The following GALNTL6 variants were observed in gnomAD, a reference collection of about 807,000 sequenced individuals.
The protein encoded by GALNTL6 is polypeptide N-acetylgalactosaminyltransferase-like 6.
A neutral mutation model predicts 73.7 loss-of-function variants in GALNTL6; 46 were observed. That is an observed-to-expected ratio of 0.62 (90% CI 0.49 to 0.80). The LOEUF (loss-of-function observed/expected upper bound fraction) is 0.80, where lower values mean the gene tolerates loss of function less well. GALNTL6 is among the 30% of genes least tolerant of loss of function. The pLI, the probability that GALNTL6 is intolerant of heterozygous loss-of-function variation, is 0.00. For synonymous variants in GALNTL6, 259 were observed against 263.7 expected (o/e 0.98, Z 0.17); for missense variants, 604 against 755.0 (o/e 0.80, Z 2.34).
chr4:171,828,877 C>T (rs556536552), intron 2 of GALNTL6, among the ~76,000 whole-genome samples: 7 of 152,242 alleles, frequency 4.6e-5, no homozygotes, highest in South Asian at 2.1e-4. Context: ...ACAAGTGATC[C>T]TTCTGCCTGG....
chr4:172,196,625 C>T (rs115256166), intron 2 of GALNTL6, among the ~76,000 whole-genome samples: 6,393 of 152,230 alleles, frequency 0.042, 424 homozygotes, highest in African/African-American at 0.14. Context: ...ATCCTCAATG[C>T]AAGGCTGGTT....
intron 4 of GALNTL6, among the ~76,000 whole-genome samples, chr4:172,319,271 A>G (rs1393818994): frequency 6.6e-6 from 1 of 152,218 alleles, no homozygotes; most frequent in Admixed American, 6.5e-5. Context: ...GCATTAATAA[A>G]TGTGATTGCG....
chr4:172,472,226 G>A (rs1050308549), intron 5 of GALNTL6, among the ~76,000 whole-genome samples: 2 of 152,166 alleles, frequency 1.3e-5, no homozygotes, highest in African/African-American at 2.4e-5. Context: ...ATATTTTCTA[G>A]TTTGATTCTC....
intron 2 of GALNTL6, among the ~76,000 whole-genome samples, chr4:172,079,109 C>G (rs1731798841): frequency 6.6e-6 from 1 of 152,066 alleles, no homozygotes; most frequent in African/African-American, 2.4e-5. Context: ...AAGTCCATAT[C>G]TATATCACTA....
At chr4:171,832,510 G>A (rs549433087) in intron 2 of GALNTL6, among the ~76,000 whole-genome samples, 18 of 151,348 alleles carry the variant, frequency 1.2e-4, no homozygotes, top group African/African-American at 4.3e-4. Flanking sequence ...TAGATAGATA[G>A]ATAATATTTC....
At chr4:172,053,486 G>T (rs1170664089) in intron 2 of GALNTL6, among the ~76,000 whole-genome samples, 1 of 152,154 alleles carries the variant, frequency 6.6e-6, no homozygotes, top group African/African-American at 2.4e-5. Flanking sequence ...GGCATGAATA[G>T]CTCAAAGCTG....
intron 2 of GALNTL6, among the ~76,000 whole-genome samples, chr4:171,946,830 A>G (rs1358162001): frequency 2.0e-5 from 3 of 151,618 alleles, no homozygotes; most frequent in African/African-American, 4.8e-5. Context: ...GAGAGGGGCC[A>G]GAAGAGAAGG....
intron 8 of GALNTL6, among the ~76,000 whole-genome samples, chr4:172,906,314 C>G (rs141881564): frequency 6.7e-4 from 102 of 151,774 alleles, no homozygotes; most frequent in Admixed American, 1.2e-3. Flanking sequence ...AATGAGATTA[C>G]TTTGCTCAAT....
At chr4:172,333,319 C>T (rs529186816) in intron 4 of GALNTL6, among the ~76,000 whole-genome samples, 30 of 152,146 alleles carry the variant, frequency 2.0e-4, no homozygotes, top group African/African-American at 5.1e-4. Flanking sequence ...GCAGAGGAAT[C>T]GCTTGAACCT....
chr4:172,946,942 G>A (rs920758954), intron 9 of GALNTL6, among the ~76,000 whole-genome samples: 1 of 152,142 alleles, frequency 6.6e-6, no homozygotes, highest in Admixed American at 6.5e-5. Flanking sequence ...TGCCGGGCAC[G>A]AAAAGGGAGA....
intron 2 of GALNTL6, among the ~76,000 whole-genome samples, chr4:172,218,582 T>C (rs796731560): frequency 7.9e-5 from 12 of 152,222 alleles, no homozygotes; most frequent in African/African-American, 2.9e-4. Flanking sequence ...TTCATATCTT[T>C]CTAAAATTCT....
rs145206724 is a variant in GALNTL6 at position 172,181,272 on chromosome 4, G to T, written c.139-48384G>T. Among the ~76,000 whole-genome samples the T allele has an allele frequency of 4.2e-3, 638 of 152,228 alleles. 1 individual carries two copies. The highest frequency in any genetic ancestry group is 6.1e-3 in the Non-Finnish European group (415 of 68,010). ...GCACATCAAAAAGTATATCCAGCACGATCAAGTCGGCTTCATCCCTGGGAT... is the reference window on the plus strand; with the variant it reads ...GCACATCAAAAAGTATATCCAGCACTATCAAGTCGGCTTCATCCCTGGGAT... On this transcript the variant is annotated intron_variant, in intron 2 of 12. Coordinates refer to ENST00000506823, the MANE Select transcript of GALNTL6 (RefSeq NM_001034845.3).
chr4:171,975,327 T>A (rs1205280755), intron 2 of GALNTL6, among the ~76,000 whole-genome samples: 1 of 152,150 alleles, frequency 6.6e-6, no homozygotes, highest in Non-Finnish European at 1.5e-5. Context: ...CTACTTATCA[T>A]AATGGTTCTG....
rs1281030763 is a variant in GALNTL6, at chr4:172,469,464, G to A, written c.553+120775G>A. 3.3e-5 allele frequency among the ~76,000 whole-genome samples: 5 copies of A among 149,416 alleles called. No homozygotes were observed. In the East Asian group the frequency reaches 9.9e-4, roughly 30 times the overall value. On this transcript the variant is annotated intron_variant, in intron 5 of 12. Transcript: ENST00000506823. ...CTACAAAAAATAAAAAAAAAAAATA[G>A]CCAGTCATGATGGTGCACACACTTC...
At chr4:172,472,512 A>G (rs921772384) in intron 5 of GALNTL6, among the ~76,000 whole-genome samples, 7 of 151,762 alleles carry the variant, frequency 4.6e-5, no homozygotes, top group Non-Finnish European at 8.8e-5. Context: ...AGTTTTAACC[A>G]CCCCCAACCC....
intron 2 of GALNTL6, among the ~76,000 whole-genome samples, chr4:172,143,691 C>CA (rs1733857150): frequency 6.6e-6 from 1 of 152,130 alleles, no homozygotes; most frequent in African/African-American, 2.4e-5. Context: ...GCCTGCCCCC[C>CA]ATTCATGAAG....
chr4:172,875,935 C>T (rs927041907), intron 7 of GALNTL6, among the ~76,000 whole-genome samples: 1 of 152,152 alleles, frequency 6.6e-6, no homozygotes, highest in Non-Finnish European at 1.5e-5. Context: ...CCACAGTTTT[C>T]AATTTCATCT....
At chr4:172,119,425 C>T (rs1365750502) in intron 2 of GALNTL6, among the ~76,000 whole-genome samples, 1 of 152,136 alleles carries the variant, frequency 6.6e-6, no homozygotes, top group Non-Finnish European at 1.5e-5. Context: ...TCATGCAATG[C>T]ACTCTAGTAC....
intron 5 of GALNTL6, among the ~76,000 whole-genome samples, chr4:172,405,143 C>G (rs548243027): frequency 1.1e-4 from 17 of 151,782 alleles, no homozygotes; most frequent in Non-Finnish European, 2.5e-4. Flanking sequence ...TCTTGTCAGG[C>G]TTAATTGGTG....
Sources: gnomAD v4.1 joint callset for allele counts (sites outside exome capture counted in the v4.1 genomes callset) on GRCh38, gnomAD v4.1.1 for gene constraint, MANE v1.5 for transcripts, NCBI Gene and HGNC (gene_info 2026-07-23, HGNC 2026-07-21) for gene names.